Variants in LAMC3 observed in about 807,000 individuals in gnomAD.
LAMC3 encodes the protein laminin subunit gamma-3.
LAMC3 carries 128 observed loss-of-function variants against 173.8 expected under a neutral mutation model. That is an observed-to-expected ratio of 0.74 (90% confidence interval 0.64 to 0.85). The LOEUF is 0.85. LAMC3 is among the 40% of genes least tolerant of loss of function. The pLI, the probability that LAMC3 is intolerant of heterozygous loss-of-function variation, is 0.00. For missense variants in LAMC3, 2,022 were observed against 2,156.0 expected (o/e 0.94, Z 1.23); for synonymous variants, 897 against 909.1 (o/e 0.99, Z 0.24).
At chr9:131,038,597 G>A (rs1404779067) in intron 4 of LAMC3, among the ~76,000 whole-genome samples, 1 of 152,180 alleles carries the variant, frequency 6.6e-6, no homozygotes, top group Non-Finnish European at 1.5e-5. Flanking sequence ...GTATATCCTT[G>A]TTGCCTGGGA....
chr9:131,032,663 A>G lies in LAMC3; in HGVS notation c.809+488A>G, dbSNP rs985763420. 1.1e-3 allele frequency among the ~76,000 whole-genome samples: 111 copies of G among 101,616 alleles called. 1 individual carries two copies. The South Asian group carries it at 0.025, about 23-fold the overall frequency. The allele number at this position is 101,616 out of a possible 152,430, so 66.7% of individuals were successfully genotyped here. On this transcript the variant is annotated intron_variant, in intron 3 of 27. Coordinates refer to ENST00000361069, the MANE Select transcript of LAMC3 (RefSeq NM_006059.4). The stretch of plus-strand genomic sequence containing the variant: ...CTCTCGCTCTCACTCACTCTCTCTC[A>G]CTCTCTCTCGCTCTCTCTCTCTCTG...
chr9:131,030,018 G>A (rs1014745735), intron 2 of LAMC3, among the ~76,000 whole-genome samples: 1 of 150,072 alleles, frequency 6.7e-6, no homozygotes, highest in Non-Finnish European at 1.5e-5. Flanking sequence ...TTGGCTCACC[G>A]CAACCTCTGC....
At chr9:131,023,392 A>G (rs79807353) in intron 1 of LAMC3, among the ~76,000 whole-genome samples, 9,767 of 152,186 alleles carry the variant, frequency 0.064, 995 homozygotes, top group African/African-American at 0.22. Context: ...TTACATTCCC[A>G]TCAGCAGTCT....
At chr9:131,073,716 T>C (rs983027574) in intron 20 of LAMC3, among the ~76,000 whole-genome samples, 2 of 152,024 alleles carry the variant, frequency 1.3e-5, no homozygotes, top group South Asian at 2.1e-4. Context: ...TGCAAAGCCA[T>C]CACCACAACC....
intron 9 of LAMC3, 123 bp downstream of exon 9, chr9:131,049,253 C>A: frequency 1.4e-6 from 1 of 721,392 alleles, no homozygotes; most frequent in South Asian, 1.5e-5. Flanking sequence ...CTGGAGAAGT[C>A]AGAAATAGGT....
chr9:131,086,049 T>C (rs1830325756), intron 25 of LAMC3, among the ~76,000 whole-genome samples: 1 of 152,220 alleles, frequency 6.6e-6, no homozygotes, highest in Non-Finnish European at 1.5e-5. Flanking sequence ...AGTTTGCGTT[T>C]ATTTATTTTA....
chr9:131,072,909 C>A, intron 19 of LAMC3, 74 bp downstream of exon 19: 1 of 1,415,522 alleles, frequency 7.1e-7, no homozygotes, highest in Non-Finnish European at 9.8e-7. Flanking sequence ...TCCCATTGAC[C>A]TGGTGACCTT....
chr9:131,023,203 CTT>C, intron 1 of LAMC3, among the ~76,000 whole-genome samples: 1 of 152,216 alleles, frequency 6.6e-6, no homozygotes, highest in Non-Finnish European at 1.5e-5. Flanking sequence ...TGTTCCCACT[CTT>C]TGGCTGTTGC....
intron 13 of LAMC3, among the ~76,000 whole-genome samples, chr9:131,066,078 C>G (rs1829926787): frequency 6.6e-6 from 1 of 152,092 alleles, no homozygotes; most frequent in Admixed American, 6.6e-5. Context: ...ACCTGTAGTC[C>G]CAGCTACTTG....
intron 23 of LAMC3, chr9:131,080,254 G>A (rs1052090306): frequency 6.8e-6 from 1 of 147,008 alleles, no homozygotes; most frequent in Non-Finnish European, 1.5e-5. Context: ...AGGATTATAG[G>A]TGTAAGCCAC....
At chr9:131,016,717 T>A (rs1236610864) in intron 1 of LAMC3, among the ~76,000 whole-genome samples, 1 of 152,198 alleles carries the variant, frequency 6.6e-6, no homozygotes, top group Non-Finnish European at 1.5e-5. Flanking sequence ...AAATGTTGAA[T>A]GAAGAAAAAG....
Position 131,067,147 on chromosome 9 carries a change from C to T in LAMC3, c.2535C>T (p.His845=). The T allele has an allele frequency of 1.2e-6, 2 of 1,614,176 alleles. No individual in the cohort carries two copies. The highest frequency in any genetic ancestry group is 1.7e-6 in the Non-Finnish European group (2 of 1,180,026). ...LHNTTGDHCE[H]CQEGFYGSAL... is the part of the protein sequence containing the mutation. Reference sequence around the variant, plus strand: ...ACACCACGGGTGACCACTGTGAGCACTGTCAGGAAGGCTTCTACGGGAGCG... The same window carrying T: ...ACACCACGGGTGACCACTGTGAGCATTGTCAGGAAGGCTTCTACGGGAGCG... The change falls in exon 14 of 28, where the codon CAC becomes CAT. Residue 845 remains histidine (H), a synonymous_variant. Transcript: ENST00000361069.
chr9:131,061,944 T>A (rs1182465185), intron 13 of LAMC3, among the ~76,000 whole-genome samples: 1 of 152,114 alleles, frequency 6.6e-6, no homozygotes, highest in Non-Finnish European at 1.5e-5. Context: ...CCAGATACTC[T>A]GGAGGCTGAG....
In LAMC3 at chr9:131,091,731, C is replaced by T; in HGVS notation, c.4672C>T (p.Gln1558Ter). Reference sequence around the variant, plus strand: ...CCTCGCCGAGATCCGCGCCGACAAACAGAACCTGGAGGCCATTCTGCACAG... The same window carrying T: ...CCTCGCCGAGATCCGCGCCGACAAATAGAACCTGGAGGCCATTCTGCACAG... ...SDLAEIRADK[Q>*]NLEAILHSLP... Residue 1558 changes from glutamine to a stop codon, truncating the protein, a stop_gained, in exon 28 of 28, where the codon CAG (glutamine) becomes TAG (stop). Coordinates refer to ENST00000361069, the MANE Select transcript of LAMC3 (RefSeq NM_006059.4). LOFTEE classifies it high-confidence loss of function. 1.2e-6 allele frequency: 2 copies of T among 1,613,410 alleles called. No homozygotes were observed. The highest frequency in any genetic ancestry group is 2.2e-5 in the South Asian group (2 of 91,002).
chr9:131,046,518 A>ATTTTTTTTTTTTTTT lies in LAMC3; in HGVS notation c.1519+870_1519+884dup, dbSNP rs71501242. Among the ~76,000 whole-genome samples the ATTTTTTTTTTTTTTT allele has an allele frequency of 9.4e-3, 462 of 49,162 alleles. 92 individuals are homozygous for ATTTTTTTTTTTTTTT. The highest frequency in any genetic ancestry group is 0.024 in the Middle Eastern group (1 of 42). The allele number at this position is 49,162 out of a possible 152,430, so 32.3% of individuals were successfully genotyped here. On this transcript the variant is annotated intron_variant, in intron 8 of 27. Transcript: ENST00000361069. ...ACCACCATGCCGAGCTAATTTTTGT[A>ATTTTTTTTTTTTTTT]TTTTTTTTTTTTTTTTTTTTTTTTT...
intron 8 of LAMC3, among the ~76,000 whole-genome samples, chr9:131,048,265 C>T (rs1290869216): frequency 1.3e-5 from 2 of 152,040 alleles, no homozygotes; most frequent in Non-Finnish European, 2.9e-5. Flanking sequence ...CCATGTTGGC[C>T]AGGCTGGTCT....
At chr9:131,025,128 A>G (rs572502803) in intron 1 of LAMC3, among the ~76,000 whole-genome samples, 3 of 152,196 alleles carry the variant, frequency 2.0e-5, no homozygotes, top group South Asian at 2.1e-4. Context: ...CGAACTGTGG[A>G]AGGCGGCAGT....
Position 131,061,148 on chromosome 9 carries a change from C to T in LAMC3, c.2272C>T (p.Pro758Ser). 1 of 1,613,238 alleles carries T rather than the reference C, an allele frequency of 6.2e-7. No homozygotes were observed. The highest frequency in any genetic ancestry group is 8.5e-7 in the Non-Finnish European group (1 of 1,179,934). The change falls in exon 13 of 28, where the codon CCT becomes TCT. Residue 758 changes from proline to serine, a missense_variant. Coordinates refer to ENST00000361069, the MANE Select transcript of LAMC3 (RefSeq NM_006059.4). The part of the protein sequence containing the change: ...QADDCQPCPC[P>S]GQSACTTIPE... ...CGACGACTGCCAGCCCTGTCCCTGC[C>T]CTGGCCAGTCGGCCTGTACGACCAT...
chr9:131,036,091 G>A lies in LAMC3; in HGVS notation c.810-75G>A, dbSNP rs149127078. ...GTCTGGCTCACACCTGCAAACAGGG[G>A]CTACCTGGTGACTAACTCCTTGTCT... On this transcript the variant is annotated intron_variant, in intron 3 of 27. Coordinates refer to ENST00000361069, the MANE Select transcript of LAMC3 (RefSeq NM_006059.4). The A allele has an allele frequency of 1.6e-5, 24 of 1,505,558 alleles. No homozygotes were observed. In the East Asian group the frequency reaches 5.0e-4, roughly 31 times the overall value. 93.3% of individuals were successfully genotyped at this position (1,505,558 alleles called of 1,614,324 possible).
Sources: allele counts gnomAD v4.1 joint callset (sites outside exome capture counted in the v4.1 genomes callset), GRCh38; gene constraint gnomAD v4.1.1; transcripts MANE v1.5; gene names NCBI Gene and HGNC (gene_info 2026-07-23, HGNC 2026-07-21).